Variants in SAMD4A observed in about 807,000 individuals in gnomAD.
SAMD4A encodes sterile alpha motif domain containing 4A.
SAMD4A carries 33 observed loss-of-function variants against 81.3 expected under a neutral mutation model. The ratio of observed to expected loss-of-function variants is 0.41; its 90% CI spans 0.31 to 0.54. The LOEUF is 0.54. SAMD4A is among the 20% of genes least tolerant of loss of function. The probability of loss-of-function intolerance (pLI) is 0.37; values close to 1 mark genes in which losing one functional copy is unlikely to be tolerated. For missense variants in SAMD4A, 854 were observed against 951.1 expected, an observed-to-expected ratio of 0.90 and a Z score of 1.34; for synonymous variants, 389 against 382.1, an observed-to-expected ratio of 1.02 and a Z score of -0.21.
chr14:54,710,310 C>T (rs11847437), intron 3 of SAMD4A, among the ~76,000 whole-genome samples: 12,801 of 152,078 alleles, frequency 0.084, 1,778 homozygotes, highest in African/African-American at 0.29. Flanking sequence ...TAGCACACAC[C>T]TACATAGTGT....
rs1010929440 is a variant in SAMD4A at position 54,694,840 on chromosome 14, C to T, written c.197-7222C>T. The T allele has an allele frequency of 2.4e-5, 24 of 985,162 alleles. No individual in the cohort carries two copies. The African/African-American group carries it at 2.4e-4, about 10-fold the overall frequency. The allele number at this position is 985,162 out of a possible 1,614,324, so 61.0% of individuals were successfully genotyped here. The stretch of plus-strand genomic sequence containing the variant: ...AAGGAGTAAAGGAGCAGTCCTGGAG[C>T]ACCCAGCTGTGCCGGTACCTGGGGA... On this transcript the variant is annotated intron_variant, in intron 2 of 12. Transcript: ENST00000554335.
intron 4 of SAMD4A, among the ~76,000 whole-genome samples, chr14:54,741,839 T>G (rs1388765193): frequency 6.6e-6 from 1 of 152,076 alleles, no homozygotes; most frequent in Non-Finnish European, 1.5e-5. Context: ...GAAATCACAA[T>G]GACAAGGGTG....
chr14:54,645,542 G>T (rs1202910522), intron 2 of SAMD4A, among the ~76,000 whole-genome samples: 1 of 151,950 alleles, frequency 6.6e-6, no homozygotes, highest in Non-Finnish European at 1.5e-5. Context: ...TTTTTAAAAA[G>T]CATAAGACCT....
At chr14:54,687,720 GTC>G (rs929203529) in intron 2 of SAMD4A, among the ~76,000 whole-genome samples, 4 of 152,214 alleles carry the variant, frequency 2.6e-5, no homozygotes, top group Admixed American at 1.3e-4. Context: ...TGGGGCAAGT[GTC>G]TCTGCGCCTT....
At chr14:54,608,589 A>T (rs1244282922) in intron 2 of SAMD4A, among the ~76,000 whole-genome samples, 1 of 152,210 alleles carries the variant, frequency 6.6e-6, no homozygotes, top group Non-Finnish European at 1.5e-5. Context: ...CTAATACTGG[A>T]CATGCTGTGC....
intron 2 of SAMD4A, among the ~76,000 whole-genome samples, chr14:54,603,591 C>A (rs143759222): frequency 6.6e-6 from 1 of 152,112 alleles, no homozygotes; most frequent in Admixed American, 6.5e-5. Context: ...AGGCATTTGG[C>A]CTATAGCCAA....
intron 2 of SAMD4A, among the ~76,000 whole-genome samples, chr14:54,652,492 A>C (rs542747169): frequency 6.6e-6 from 1 of 152,182 alleles, no homozygotes; most frequent in Non-Finnish European, 1.5e-5. Flanking sequence ...TTAAAAATAC[A>C]TTTAATTATA....
At chr14:54,688,118 A>G (rs2036325777) in intron 2 of SAMD4A, 1 of 985,548 alleles carries the variant, frequency 1.0e-6, no homozygotes, top group Non-Finnish European at 1.2e-6. Context: ...TTCAACTGTA[A>G]TGTGCTCAGC....
At chr14:54,664,391 GT>G (rs2140482297) in intron 2 of SAMD4A, among the ~76,000 whole-genome samples, 1 of 152,288 alleles carries the variant, frequency 6.6e-6, no homozygotes, top group East Asian at 1.9e-4. Context: ...GTTGTATAAA[GT>G]ATACCTGTCT....
intron 2 of SAMD4A, among the ~76,000 whole-genome samples, chr14:54,686,383 G>A (rs1479949501): frequency 2.0e-5 from 3 of 152,188 alleles, no homozygotes; most frequent in African/African-American, 7.2e-5. Flanking sequence ...ATTTCATTCT[G>A]CCCTTTTTAT....
chr14:54,582,896 T>G (rs1023098469), intron 2 of SAMD4A, among the ~76,000 whole-genome samples: 1 of 152,148 alleles, frequency 6.6e-6, no homozygotes, highest in African/African-American at 2.4e-5. Context: ...GGTGAAAAGT[T>G]TATGAGAGTA....
At position 54,784,622 on chromosome 14, in the gene SAMD4A, T is replaced by C. The variant is rs1594943513; in HGVS notation, c.2128+2T>C. 6.2e-7 allele frequency: 1 copy of C among 1,612,028 alleles called. No individual in the cohort carries two copies. The highest frequency in any genetic ancestry group is 8.5e-7 in the Non-Finnish European group (1 of 1,178,626). On this transcript the variant is annotated splice_donor_variant, in intron 12 of 12. Transcript: ENST00000554335. LOFTEE classifies it high-confidence loss of function. Reference sequence around the variant, plus strand: ...GTATGACCGAACACGCCCTGGGAGGTGAGTGTGTTCTTCCTGCATGTCCCC... The same window carrying C: ...GTATGACCGAACACGCCCTGGGAGGCGAGTGTGTTCTTCCTGCATGTCCCC...
intron 3 of SAMD4A, among the ~76,000 whole-genome samples, chr14:54,708,410 G>A (rs1398788637): frequency 1.3e-5 from 2 of 152,212 alleles, no homozygotes; most frequent in African/African-American, 2.4e-5. Context: ...TACTGAGTAG[G>A]TAGTGGGATA....
intron 3 of SAMD4A, among the ~76,000 whole-genome samples, chr14:54,727,052 G>C (rs2037433241): frequency 6.7e-6 from 1 of 149,000 alleles, no homozygotes; most frequent in Admixed American, 6.7e-5. Flanking sequence ...GTGTGTTTCT[G>C]TTTAAAGATA....
chr14:54,762,078 A>G (rs1443924194), intron 7 of SAMD4A, among the ~76,000 whole-genome samples: 1 of 152,204 alleles, frequency 6.6e-6, no homozygotes, highest in Non-Finnish European at 1.5e-5. Flanking sequence ...CCAAGCATAC[A>G]TGCTGGGTGC....
Position 54,722,950 on chromosome 14 carries a change from G to A in SAMD4A, c.716-14074G>A, listed in dbSNP as rs190769336. ...CAATAAAATGTCGGCATTGCTCTCT[G>A]CCAATTACCTTGACAGCCTGACTCA... On this transcript the variant is annotated intron_variant, in intron 3 of 12. Transcript: ENST00000554335. 6.6e-5 allele frequency among the ~76,000 whole-genome samples: 10 copies of A among 152,224 alleles called. No homozygotes were observed. The East Asian group carries it at 1.9e-3, about 29-fold the overall frequency.
At chr14:54,765,922 T>C (rs2038527795) in intron 8 of SAMD4A, among the ~76,000 whole-genome samples, 1 of 152,140 alleles carries the variant, frequency 6.6e-6, no homozygotes, top group African/African-American at 2.4e-5. Flanking sequence ...TTTTTGCAGT[T>C]TCTCCTCTTG....
chr14:54,764,521 A>G lies in SAMD4A; in HGVS notation c.1577A>G (p.Asp526Gly). Residue 526 changes from aspartate (D) to glycine (G), a missense_variant, in exon 8 of 13, where the codon GAC becomes GGC. By Grantham distance (94) the Asp-to-Gly change is moderately conservative (BLOSUM62 -1). This residue lies in a region of SAMD4A where 428 missense variants were observed against 471.2 expected (regional missense o/e 0.91). Coordinates refer to ENST00000554335, the MANE Select transcript of SAMD4A (RefSeq NM_015589.6). ...ATAAGTTCCTATTTACAGCTCATAG[A>G]CAAGTGTCTAATTCATGAGGTGAGT... ...ENISSYLQLI[D>G]KCLIHEAFTE... 1 of 1,611,396 alleles carries G rather than the reference A, an allele frequency of 6.2e-7. No homozygotes were observed.
chr14:54,690,070 A>G (rs1294521767), intron 2 of SAMD4A: 1 of 152,260 alleles, frequency 6.6e-6, no homozygotes, highest in Non-Finnish European at 1.5e-5. Flanking sequence ...TGGTCTAGCA[A>G]GGCTGTGTGA....
Sources: gnomAD v4.1 joint callset for allele counts (sites outside exome capture counted in the v4.1 genomes callset) on GRCh38, gnomAD v4.1.1 for gene constraint, gnomAD v4.1.1 regional missense constraint, MANE v1.5 for transcripts, NCBI Gene and HGNC (gene_info 2026-07-23, HGNC 2026-07-21) for gene names.